The following BUD13 variants were observed in gnomAD, a reference collection of about 807,000 sequenced individuals.
BUD13 encodes the protein BUD13 homolog.
Under a neutral mutation model 62.5 loss-of-function variants are expected in BUD13, and 47 were observed. The ratio of observed to expected loss-of-function variants is 0.75; its 90% CI spans 0.60 to 0.96. The LOEUF is 0.96. BUD13 is among the 40% of genes least tolerant of loss of function. The pLI, the probability that BUD13 is intolerant of heterozygous loss-of-function variation, is 0.00. For synonymous variants in BUD13, 293 were observed against 280.1 expected (o/e 1.05, Z -0.46); for missense variants, 821 against 790.9 (o/e 1.04, Z -0.46).
At chr11:116,767,434 A>C (rs951732892) in intron 2 of BUD13, among the ~76,000 whole-genome samples, 6 of 151,302 alleles carry the variant, frequency 4.0e-5, no homozygotes, top group Non-Finnish European at 5.9e-5. Flanking sequence ...TCTACTAAAA[A>C]TACAAAAAAT....
intron 9 of BUD13, 118 bp from the exon 10 acceptor site, chr11:116,748,693 A>G (rs1940181324): frequency 3.6e-6 from 4 of 1,120,052 alleles, no homozygotes; most frequent in Non-Finnish European, 5.2e-6. Context: ...TCATATGAAA[A>G]TATTTTAGGC....
At chr11:116,764,021 C>A (rs1048288337) in intron 3 of BUD13, among the ~76,000 whole-genome samples, 2 of 152,142 alleles carry the variant, frequency 1.3e-5, no homozygotes, top group African/African-American at 2.4e-5. Flanking sequence ...GATTAACTTG[C>A]CAAAGTCATA....
intron 9 of BUD13, 57 bp downstream of exon 9, chr11:116,757,089 C>T (rs1374484992): frequency 2.6e-6 from 4 of 1,511,356 alleles, no homozygotes; most frequent in African/African-American, 1.4e-5. Context: ...GAGCAACTTA[C>T]GAGTGGTTAG....
chr11:116,770,853 A>T (rs1940615124), intron 1 of BUD13, among the ~76,000 whole-genome samples: 2 of 151,300 alleles, frequency 1.3e-5, no homozygotes, highest in Non-Finnish European at 2.9e-5. Flanking sequence ...GAGTGCAGGG[A>T]CACCATCATG....
Position 116,759,189 on chromosome 11 carries a change from G to A in BUD13, c.1255-10C>T, listed in dbSNP as rs17519093. 89,259 of 1,597,390 alleles carry A rather than the reference G, an allele frequency of 0.056. 2,807 individuals are homozygous for A. The highest frequency in any genetic ancestry group is 0.12 in the Admixed American group (7,013 of 59,944). Reference sequence around the variant, plus strand: ...AATACATGTGTGCAGCCTATGCAACGGAAAAGGGAGCATCCAACATTAATG... The same window carrying A: ...AATACATGTGTGCAGCCTATGCAACAGAAAAGGGAGCATCCAACATTAATG... On this transcript the variant is annotated splice_polypyrimidine_tract_variant and intron_variant, in intron 5 of 9. Transcript: ENST00000260210.
chr11:116,760,766 G>A lies in BUD13; in HGVS notation c.1223C>T (p.Pro408Leu), dbSNP rs61730763. The A allele has an allele frequency of 2.7e-3, 4,353 of 1,614,108 alleles. 80 individuals carry two copies. The African/African-American group carries it at 0.048, about 18-fold the overall frequency. The change falls in exon 5 of 10, where the codon CCG becomes CTG. Residue 408 changes from proline to leucine, a missense_variant. This residue lies in a region of BUD13 where 800 missense variants were observed against 739.2 expected (regional missense o/e 1.08). Coordinates refer to ENST00000260210, the MANE Select transcript of BUD13 (RefSeq NM_032725.4). ...RTKSSDSDLS[P>L]PRRSQPPGKK... The stretch of plus-strand genomic sequence containing the variant: ...TCCAGGAGGCTGACTCCTTCGAGGC[G>A]GGGACAGGTCAGAATCAGAAGATTT...
chr11:116,763,154 A>C lies in BUD13; in HGVS notation c.435T>G (p.His145Gln). Reference sequence around the variant, plus strand: ...TCCTAGGAGATGGATCCGGGGTGTCATGACGGTCCTTCCTAGGAGATGGAT... The same window carrying C: ...TCCTAGGAGATGGATCCGGGGTGTCCTGACGGTCCTTCCTAGGAGATGGAT... ...TPDPSPRKDR[H>Q]DTPDPSPRRA... The change falls in exon 4 of 10, where the codon CAT (histidine) becomes CAG (glutamine). Residue 145 changes from histidine to glutamine, a missense_variant. Coordinates refer to ENST00000260210, the MANE Select transcript of BUD13 (RefSeq NM_032725.4). The C allele has an allele frequency of 6.2e-7, 1 of 1,606,284 alleles. No individual in the cohort carries two copies. The highest frequency in any genetic ancestry group is 8.5e-7 in the Non-Finnish European group (1 of 1,174,900).
At chr11:116,765,836 G>A (rs970612986) in intron 2 of BUD13, among the ~76,000 whole-genome samples, 8 of 152,244 alleles carry the variant, frequency 5.3e-5, no homozygotes, top group Non-Finnish European at 8.8e-5. Flanking sequence ...ACTAATCAAG[G>A]ACTTTGGGTT....
rs760471044 is a variant in BUD13 at position 116,760,828 on chromosome 11, A to G, written c.1161T>C (p.Asp387=). The G allele has an allele frequency of 6.2e-6, 10 of 1,614,164 alleles. No individual in the cohort carries two copies. The highest frequency in any genetic ancestry group is 8.5e-6 in the Non-Finnish European group (10 of 1,180,006). ...PRNRPRHRSS[D]SDLSPPRRRQ... ...TCCTCCTTGGTGGAGAGAGGTCAGA[A>G]TCAGAGCTCCGGTGTCTAGGTCTAT... The change falls in exon 5 of 10, where the codon GAT becomes GAC. Residue 387 remains aspartate (D), a synonymous_variant. Transcript: ENST00000260210.
At chr11:116,757,996 TC>T in intron 7 of BUD13, 46 bp from the exon 8 acceptor site, 1 of 1,604,162 alleles carries the variant, frequency 6.2e-7, no homozygotes, top group Non-Finnish European at 8.5e-7. Flanking sequence ...GTATGACATT[TC>T]CACTTCTACA....
chr11:116,749,023 AAAG>A (rs1474991238), intron 9 of BUD13, among the ~76,000 whole-genome samples: 1 of 151,958 alleles, frequency 6.6e-6, no homozygotes, highest in African/African-American at 2.4e-5. Context: ...ACAAAAAAGA[AAAG>A]AAAATATTTA....
chr11:116,768,315 T>C (rs1940566779), intron 2 of BUD13, among the ~76,000 whole-genome samples: 1 of 152,180 alleles, frequency 6.6e-6, no homozygotes, highest in South Asian at 2.1e-4. Context: ...ACTCAAAGAA[T>C]ATTTTAAGGT....
intron 2 of BUD13, among the ~76,000 whole-genome samples, chr11:116,767,189 A>G (rs1464501912): frequency 8.4e-6 from 1 of 118,940 alleles, no homozygotes; most frequent in East Asian, 1.9e-4. Context: ...ATATGTCTCA[A>G]AAAAAAAAAA....
chr11:116,754,702 C>A (rs1565311370), intron 9 of BUD13, among the ~76,000 whole-genome samples: 1 of 152,176 alleles, frequency 6.6e-6, no homozygotes, highest in South Asian at 2.1e-4. Flanking sequence ...TGTCTGCTCT[C>A]ACTACTTCTA....
At chr11:116,765,263 C>T in intron 3 of BUD13, 99 bp downstream of exon 3, 1 of 1,284,698 alleles carries the variant, frequency 7.8e-7, no homozygotes, top group Non-Finnish European at 1.1e-6. Context: ...CAATGACATG[C>T]TAAAACAAAC....
chr11:116,772,708 G>A, intron 1 of BUD13, 114 bp downstream of exon 1: 1 of 1,349,636 alleles, frequency 7.4e-7, no homozygotes, highest in Non-Finnish European at 9.6e-7. Context: ...AGCAGGGGTC[G>A]GCGGAGAAGC....
chr11:116,772,719 CGA>C (rs1004999409), intron 1 of BUD13, 101 bp downstream of exon 1: 3 of 1,382,408 alleles, frequency 2.2e-6, no homozygotes, highest in African/African-American at 3.0e-5. Flanking sequence ...GCGGAGAAGC[CGA>C]GAGACCCGCC....
At chr11:116,768,014 T>TAAC (rs1273453925) in intron 2 of BUD13, among the ~76,000 whole-genome samples, 8 of 145,742 alleles carry the variant, frequency 5.5e-5, no homozygotes, top group Non-Finnish European at 3.0e-5. Context: ...ATAATAATAA[T>TAAC]AATAGTGCTC....
At chr11:116,757,525 CG>C (rs1312824421) in intron 8 of BUD13, among the ~76,000 whole-genome samples, 1 of 150,630 alleles carries the variant, frequency 6.6e-6, no homozygotes, top group Non-Finnish European at 1.5e-5. Flanking sequence ...AGGCTGGTCT[CG>C]AACTCTAAGG....
Sources: allele counts gnomAD v4.1 joint callset (sites outside exome capture counted in the v4.1 genomes callset), GRCh38; gene constraint gnomAD v4.1.1; regional missense constraint gnomAD v4.1.1; transcripts MANE v1.5; gene names NCBI Gene and HGNC (gene_info 2026-07-23, HGNC 2026-07-21).